Variants in CLSTN2 observed in about 807,000 individuals in gnomAD.
The protein encoded by CLSTN2 is calsyntenin 2.
CLSTN2 carries 48 observed loss-of-function variants against 101.2 expected under a neutral mutation model. That is an observed-to-expected ratio of 0.47 (90% CI 0.38 to 0.60). The LOEUF is 0.60. Among genes scored for constraint, CLSTN2 ranks in the 20% least tolerant of loss-of-function variants. CLSTN2 has a pLI of 0.00. For missense variants in CLSTN2, 1,160 were observed against 1,238.2 expected, an observed-to-expected ratio of 0.94 and a Z score of 0.95; for synonymous variants, 481 against 463.6, an observed-to-expected ratio of 1.04 and a Z score of -0.48.
intron 1 of CLSTN2, among the ~76,000 whole-genome samples, chr3:140,012,565 A>G (rs910504560): frequency 6.6e-6 from 1 of 152,120 alleles, no homozygotes; most frequent in African/African-American, 2.4e-5. Context: ...GACCCAAGGA[A>G]GAGGGATGAC....
rs57152434 is a variant in CLSTN2, at chr3:140,283,452, G to A, written c.232+107379G>A. ...GTGATTCATGCTTCCCTTTTATCCT[G>A]TAAACTGAGCCTGTGGAGTCAGTAA... is the stretch of plus-strand genomic sequence containing the variant. On this transcript the variant is annotated intron_variant, in intron 2 of 16. Coordinates refer to ENST00000458420, the MANE Select transcript of CLSTN2 (RefSeq NM_022131.3). 1.8e-3 allele frequency among the ~76,000 whole-genome samples: 272 copies of A among 152,200 alleles called. 7 individuals are homozygous for A. The East Asian group carries it at 0.05, about 28-fold the overall frequency.
At chr3:140,094,402 A>G (rs1232601623) in intron 1 of CLSTN2, among the ~76,000 whole-genome samples, 3 of 152,232 alleles carry the variant, frequency 2.0e-5, no homozygotes, top group Non-Finnish European at 2.9e-5. Context: ...TGAATTAAGG[A>G]TATTTTAATT....
chr3:139,941,372 T>C (rs995583995), intron 1 of CLSTN2, among the ~76,000 whole-genome samples: 3 of 152,170 alleles, frequency 2.0e-5, no homozygotes, highest in Admixed American at 6.5e-5. Flanking sequence ...CTTCCAGACA[T>C]GCACTAGGTC....
intron 1 of CLSTN2, among the ~76,000 whole-genome samples, chr3:139,966,872 C>A (rs1460108313): frequency 6.6e-6 from 1 of 152,060 alleles, no homozygotes; most frequent in African/African-American, 2.4e-5. Context: ...GCTGATGACC[C>A]AAGAATATGG....
chr3:140,047,992 G>C (rs2007913896), intron 1 of CLSTN2, among the ~76,000 whole-genome samples: 1 of 151,922 alleles, frequency 6.6e-6, no homozygotes, highest in African/African-American at 2.4e-5. Context: ...AATGACACAA[G>C]GAAATAAATG....
chr3:140,361,734 A>T (rs2087732303), intron 2 of CLSTN2, among the ~76,000 whole-genome samples: 1 of 152,172 alleles, frequency 6.6e-6, no homozygotes, highest in South Asian at 2.1e-4. Flanking sequence ...TCAAAATAGC[A>T]TCAAAAATGA....
chr3:140,446,161 CT>C (rs1933072948), intron 5 of CLSTN2, among the ~76,000 whole-genome samples: 1 of 152,138 alleles, frequency 6.6e-6, no homozygotes, highest in Non-Finnish European at 1.5e-5. Flanking sequence ...AAAAAGCCAC[CT>C]TTTGCTCCAG....
chr3:139,944,213 A>T (rs1006237668), intron 1 of CLSTN2, among the ~76,000 whole-genome samples: 1 of 152,208 alleles, frequency 6.6e-6, no homozygotes, highest in Non-Finnish European at 1.5e-5. Flanking sequence ...TAAGCTACTT[A>T]TCCAGTTTAC....
chr3:140,477,863 T>G (rs1270056679), intron 8 of CLSTN2, among the ~76,000 whole-genome samples: 1 of 152,236 alleles, frequency 6.6e-6, no homozygotes, highest in African/African-American at 2.4e-5. Context: ...AAATACTATC[T>G]GTGAACATGT....
chr3:140,149,171 T>C (rs1219576696), intron 1 of CLSTN2, among the ~76,000 whole-genome samples: 1 of 152,156 alleles, frequency 6.6e-6, no homozygotes, highest in Non-Finnish European at 1.5e-5. Context: ...TGCCCTCTTG[T>C]GTGTGTTTTC....
intron 2 of CLSTN2, among the ~76,000 whole-genome samples, chr3:140,227,944 T>C (rs1181928065): frequency 3.9e-5 from 6 of 152,156 alleles, no homozygotes. Context: ...AAACCATGTT[T>C]TCCTCCTAAA....
At position 140,224,309 on chromosome 3, in the gene CLSTN2, T is replaced by A. The variant is rs369087359; in HGVS notation, c.232+48236T>A. Among the ~76,000 whole-genome samples the A allele has an allele frequency of 4.6e-5, 7 of 152,178 alleles. No individual in the cohort carries two copies. In the East Asian group the frequency reaches 9.6e-4, roughly 21 times the overall value. On this transcript the variant is annotated intron_variant, in intron 2 of 16. Coordinates refer to ENST00000458420, the MANE Select transcript of CLSTN2 (RefSeq NM_022131.3). ...GATAGAACTCAGTTCTTGGGATCAT[T>A]TTGAAAGTCAAACAAGATAATGACA...
chr3:140,261,891 T>G (rs1430989525), intron 2 of CLSTN2, among the ~76,000 whole-genome samples: 2 of 152,192 alleles, frequency 1.3e-5, no homozygotes, highest in Admixed American at 1.3e-4. Flanking sequence ...TTCTATTTTT[T>G]TATGGCTTAT....
intron 2 of CLSTN2, among the ~76,000 whole-genome samples, chr3:140,232,067 T>C (rs561762145): frequency 7.2e-5 from 11 of 152,332 alleles, no homozygotes; most frequent in Non-Finnish European, 1.2e-4. Context: ...TCTATAACAG[T>C]GTCTACAGCA....
intron 9 of CLSTN2, among the ~76,000 whole-genome samples, chr3:140,540,210 C>G (rs926895960): frequency 6.6e-6 from 1 of 152,148 alleles, no homozygotes; most frequent in Non-Finnish European, 1.5e-5. Flanking sequence ...CATTTGTTGT[C>G]ATCGCTAAGT....
intron 1 of CLSTN2, among the ~76,000 whole-genome samples, chr3:140,071,827 T>C (rs965023536): frequency 3.4e-5 from 4 of 118,434 alleles, no homozygotes; most frequent in African/African-American, 1.9e-4. Context: ...TGAGACTCCG[T>C]CTAAAAAATA....
At chr3:140,477,102 C>A (rs752182820) in intron 8 of CLSTN2, among the ~76,000 whole-genome samples, 1 of 152,174 alleles carries the variant, frequency 6.6e-6, no homozygotes, top group Non-Finnish European at 1.5e-5. Flanking sequence ...AAAGCAATAA[C>A]CCTGGAGGCC....
At chr3:140,361,290 C>A (rs76582925) in intron 2 of CLSTN2, among the ~76,000 whole-genome samples, 1 of 152,060 alleles carries the variant, frequency 6.6e-6, no homozygotes, top group Non-Finnish European at 1.5e-5. Context: ...AAAAAGGATG[C>A]GAAGAAATTC....
Position 140,532,380 on chromosome 3 carries a change from C to T in CLSTN2, c.1401C>T (p.Thr467=), listed in dbSNP as rs562393278. 1.2e-6 allele frequency: 2 copies of T among 1,613,392 alleles called. No homozygotes were observed. The highest frequency in any genetic ancestry group is 1.1e-5 in the South Asian group (1 of 90,974). ...YVINVEFPVV[T]LYMDGATYEP... ...TCAATGTGGAGTTTCCTGTGGTAACCTTATACATGGATGGAGCAACATATG... is the reference window on the plus strand; with the variant it reads ...TCAATGTGGAGTTTCCTGTGGTAACTTTATACATGGATGGAGCAACATATG... The change falls in exon 9 of 17, where the codon ACC becomes ACT. Residue 467 remains threonine, a synonymous_variant. Transcript: ENST00000458420.
Sources: allele counts gnomAD v4.1 joint callset (sites outside exome capture counted in the v4.1 genomes callset), GRCh38; gene constraint gnomAD v4.1.1; transcripts MANE v1.5; gene names NCBI Gene and HGNC (gene_info 2026-07-23, HGNC 2026-07-21).